The following UBE2L3 variants were observed in gnomAD, a reference collection of about 807,000 sequenced individuals.
UBE2L3 encodes the protein ubiquitin-conjugating enzyme E2 L3.
Under a neutral mutation model 17.8 loss-of-function variants are expected in UBE2L3, and 1 was observed. That is an observed-to-expected ratio of 0.06 (90% CI 0.02 to 0.27). The LOEUF (loss-of-function observed/expected upper bound fraction) is 0.27, where lower values mean the gene tolerates loss of function less well. Among genes scored for constraint, UBE2L3 ranks in the 10% least tolerant of loss-of-function variants. The pLI is 1.00. For missense variants in UBE2L3, 40 were observed against 192.6 expected (o/e 0.21, Z 4.69); for synonymous variants, 44 against 68.5 (o/e 0.64, Z 1.76).
chr22:21,616,081 TAAAAC>T (rs1242520251), intron 3 of UBE2L3, among the ~76,000 whole-genome samples: 2 of 152,220 alleles, frequency 1.3e-5, no homozygotes, highest in African/African-American at 2.4e-5. Flanking sequence ...TAAACACACA[TAAAAC>T]AAAGTTATAT....
chr22:21,565,783 A>G (rs868623422), upstream of UBE2L3, among the ~76,000 whole-genome samples: 11 of 148,440 alleles, frequency 7.4e-5, no homozygotes, highest in South Asian at 2.2e-4. Flanking sequence ...AAAAAAAAAA[A>G]AGAGAAAAAC....
chr22:21,562,623 G>A (rs1254550979), intron 1 of UBE2L3, among the ~76,000 whole-genome samples: 2 of 150,372 alleles, frequency 1.3e-5, no homozygotes, highest in East Asian at 2.0e-4. Flanking sequence ...TGCCTGCCTC[G>A]GCCTCCCAAA....
At chr22:21,597,909 C>T (rs929936352) in intron 2 of UBE2L3, among the ~76,000 whole-genome samples, 4 of 148,600 alleles carry the variant, frequency 2.7e-5, no homozygotes, top group African/African-American at 7.4e-5. Flanking sequence ...CCCACCTCAG[C>T]CTCCAGAGTA....
At chr22:21,567,078 C>T (rs1601388813), upstream of UBE2L3, among the ~76,000 whole-genome samples, 1 of 152,044 alleles carries the variant, frequency 6.6e-6, no homozygotes, top group Non-Finnish European at 1.5e-5. Flanking sequence ...CTTCCTTGAC[C>T]TCTCAAAGTA....
intron 2 of UBE2L3, among the ~76,000 whole-genome samples, chr22:21,597,807 T>TTTTTTTTTTTTTTTG (rs1555885603): frequency 1.3e-5 from 1 of 77,938 alleles, no homozygotes; most frequent in East Asian, 2.8e-4. Flanking sequence ...TTTTTTTTTT[T>TTTTTTTTTTTTTTTG]GAGACAGGCT....
At chr22:21,605,228 CTAT>C (rs1568984773) in intron 2 of UBE2L3, among the ~76,000 whole-genome samples, 61 of 152,324 alleles carry the variant, frequency 4.0e-4, no homozygotes, top group African/African-American at 1.4e-3. Context: ...ACACCTTGCT[CTAT>C]CGCCTAGGCA....
chr22:21,576,617 G>A (rs1183167316), intron 1 of UBE2L3, among the ~76,000 whole-genome samples: 3 of 151,270 alleles, frequency 2.0e-5, no homozygotes, highest in Non-Finnish European at 4.4e-5. Context: ...TGTATTTTTA[G>A]TAGAGCTGGG....
At chr22:21,595,329 A>T (rs148521967) in intron 2 of UBE2L3, among the ~76,000 whole-genome samples, 1 of 152,328 alleles carries the variant, frequency 6.6e-6, no homozygotes, top group East Asian at 1.9e-4. Flanking sequence ...GGCATTGTTG[A>T]CATCTGACAT....
intron 2 of UBE2L3, among the ~76,000 whole-genome samples, chr22:21,595,958 C>T (rs566734350): frequency 2.6e-5 from 4 of 152,170 alleles, no homozygotes; most frequent in African/African-American, 7.2e-5. Context: ...CTCCGCCTCC[C>T]GGGTTCAAGC....
chr22:21,610,348 A>G (rs1158749026), intron 2 of UBE2L3, among the ~76,000 whole-genome samples: 3 of 152,230 alleles, frequency 2.0e-5, no homozygotes, highest in Admixed American at 6.5e-5. Context: ...TACATATTGC[A>G]TGATTCCAGC....
intron 1 of UBE2L3, among the ~76,000 whole-genome samples, chr22:21,578,368 A>G (rs1472741200): frequency 6.6e-6 from 1 of 151,806 alleles, no homozygotes; most frequent in Non-Finnish European, 1.5e-5. Flanking sequence ...TCGAAAGAAA[A>G]AAAAAAAAAA....
chr22:21,567,973 C>T lies in UBE2L3; in HGVS notation c.27+202C>T, dbSNP rs1041167891. 1.0e-5 allele frequency: 14 copies of T among 1,370,616 alleles called. No individual in the cohort carries two copies. The African/African-American group carries it at 1.9e-4, about 18-fold the overall frequency. The allele number at this position is 1,370,616 out of a possible 1,614,324, so 84.9% of individuals were successfully genotyped here. On this transcript the variant is annotated intron_variant, in intron 1 of 3. Coordinates refer to ENST00000342192, the MANE Select transcript of UBE2L3 (RefSeq NM_003347.4). Reference sequence around the variant, plus strand: ...GCCTGGGCGGGAGCGCAAGGCCGCGCTGGGAGCCGCTGTCGGCCCCTCAGC... The same window carrying T: ...GCCTGGGCGGGAGCGCAAGGCCGCGTTGGGAGCCGCTGTCGGCCCCTCAGC...
At chr22:21,587,407 C>G (rs979190032) in intron 1 of UBE2L3, among the ~76,000 whole-genome samples, 1 of 151,774 alleles carries the variant, frequency 6.6e-6, no homozygotes, top group Non-Finnish European at 1.5e-5. Context: ...TCTCGATCTC[C>G]TGACCTCGTG....
intron 1 of UBE2L3, among the ~76,000 whole-genome samples, chr22:21,555,999 CG>C (rs1224225909): frequency 2.0e-5 from 3 of 152,228 alleles, no homozygotes; most frequent in African/African-American, 4.8e-5. Context: ...CTTTGGGAGG[CG>C]GGGATGGGTG....
At chr22:21,583,000 C>T (rs983909148) in intron 1 of UBE2L3, among the ~76,000 whole-genome samples, 1 of 152,208 alleles carries the variant, frequency 6.6e-6, no homozygotes, top group Non-Finnish European at 1.5e-5. Flanking sequence ...AAGCCCTTCC[C>T]CTGCCTCTCT....
intron 1 of UBE2L3, among the ~76,000 whole-genome samples, chr22:21,557,137 G>A (rs559425970): frequency 1.3e-5 from 2 of 152,374 alleles, no homozygotes; most frequent in Admixed American, 1.3e-4. Context: ...GGCTGAGACG[G>A]GCAGATCACT....
chr22:21,601,376 G>C (rs1322783474), intron 2 of UBE2L3, among the ~76,000 whole-genome samples: 1 of 150,366 alleles, frequency 6.7e-6, no homozygotes, highest in Non-Finnish European at 1.5e-5. Context: ...GCAGTGGTGT[G>C]ATCTCAGCTC....
At chr22:21,602,484 G>A (rs764334359) in intron 2 of UBE2L3, among the ~76,000 whole-genome samples, 11 of 152,334 alleles carry the variant, frequency 7.2e-5, no homozygotes, top group South Asian at 2.1e-4. Context: ...GACTTCTGTG[G>A]GATGAAGGAC....
At chr22:21,574,036 A>G (rs965541981) in intron 1 of UBE2L3, among the ~76,000 whole-genome samples, 2 of 152,142 alleles carry the variant, frequency 1.3e-5, no homozygotes, top group African/African-American at 2.4e-5. Context: ...CCAGATCTAC[A>G]TATCTCCTGG....
Sources: allele counts gnomAD v4.1 joint callset (sites outside exome capture counted in the v4.1 genomes callset), GRCh38; gene constraint gnomAD v4.1.1; transcripts MANE v1.5; gene names NCBI Gene and HGNC (gene_info 2026-07-23, HGNC 2026-07-21).